Variants in RASEF observed in about 807,000 individuals in gnomAD.
The protein encoded by RASEF is ras and EF-hand domain-containing protein.
Under a neutral mutation model 90.1 loss-of-function variants are expected in RASEF, and 68 were observed. The observed-to-expected ratio is 0.75, with a 90% confidence interval of 0.62 to 0.92. The LOEUF is 0.92. Among genes scored for constraint, RASEF ranks in the 40% least tolerant of loss-of-function variants. The pLI is 0.00. For synonymous variants in RASEF, 331 were observed against 345.2 expected, an observed-to-expected ratio of 0.96 and a Z score of 0.46; for missense variants, 949 against 937.2, an observed-to-expected ratio of 1.01 and a Z score of -0.16.
the RASEF span, among the ~76,000 whole-genome samples, chr9:83,215,522 C>A: frequency 6.6e-6 from 1 of 152,230 alleles, no homozygotes; most frequent in Non-Finnish European, 1.5e-5. Context: ...AGGGGCAAGC[C>A]ACACTCCTGT....
chr9:83,203,978 T>C, the RASEF span, among the ~76,000 whole-genome samples: 1 of 152,210 alleles, frequency 6.6e-6, no homozygotes, highest in African/African-American at 2.4e-5. Flanking sequence ...AAACTCATTT[T>C]GATGGCAGTG....
the RASEF span, among the ~76,000 whole-genome samples, chr9:83,135,968 G>A: frequency 6.6e-6 from 1 of 151,826 alleles, no homozygotes; most frequent in Middle Eastern, 3.4e-3. Context: ...GGTTTCCCTG[G>A]GAGAACAACT....
At chr9:83,088,822 A>C in the RASEF span, among the ~76,000 whole-genome samples, 1 of 152,078 alleles carries the variant, frequency 6.6e-6, no homozygotes, top group East Asian at 1.9e-4. Flanking sequence ...TTGAATCACA[A>C]GTGAATCTCT....
At chr9:82,998,237 T>C in intron 13 of RASEF, 128 bp downstream of exon 13, 1 of 567,776 alleles carries the variant, frequency 1.8e-6, no homozygotes, top group Non-Finnish European at 3.2e-6. Flanking sequence ...TAATTATACA[T>C]GTAATTATGC....
chr9:83,000,017 AC>A (rs1828996351), intron 12 of RASEF, 151 bp downstream of exon 12: 2 of 651,122 alleles, frequency 3.1e-6, no homozygotes, highest in African/African-American at 3.7e-5. Flanking sequence ...ACACACACAC[AC>A]ACACACACAC....
At chr9:83,089,118 G>A in the RASEF span, among the ~76,000 whole-genome samples, 11 of 151,830 alleles carry the variant, frequency 7.2e-5, no homozygotes, top group East Asian at 7.7e-4. Context: ...ATGCCTGAGC[G>A]TTAAATAATC....
At chr9:83,070,958 G>A in the RASEF span, among the ~76,000 whole-genome samples, 1,075 of 152,202 alleles carry the variant, frequency 7.1e-3, 11 homozygotes, top group African/African-American at 0.024. Flanking sequence ...TTTTTATAAT[G>A]ATGAACTTGT....
At chr9:83,151,133 T>G in the RASEF span, among the ~76,000 whole-genome samples, 1 of 152,192 alleles carries the variant, frequency 6.6e-6, no homozygotes, top group Non-Finnish European at 1.5e-5. Flanking sequence ...AGTATTTTAC[T>G]GCTGAAATTG....
intron 1 of RASEF, among the ~76,000 whole-genome samples, chr9:83,027,860 C>T (rs1326221241): frequency 6.6e-6 from 1 of 151,946 alleles, no homozygotes; most frequent in Non-Finnish European, 1.5e-5. Context: ...TATTCCCCAG[C>T]GTATCCATGC....
chr9:83,203,274 CT>C, the RASEF span, among the ~76,000 whole-genome samples: 26,275 of 146,682 alleles, frequency 0.18, 2,398 homozygotes, highest in Admixed American at 0.24. Context: ...TATTTCAGTC[CT>C]TTTTTTTTTT....
the RASEF span, among the ~76,000 whole-genome samples, chr9:83,183,010 G>A: frequency 6.6e-6 from 1 of 152,082 alleles, no homozygotes; most frequent in African/African-American, 2.4e-5. Flanking sequence ...CTAAGACCGG[G>A]GTGAAGGGTG....
At chr9:83,208,880 G>A in the RASEF span, among the ~76,000 whole-genome samples, 1 of 152,162 alleles carries the variant, frequency 6.6e-6, no homozygotes, top group African/African-American at 2.4e-5. Flanking sequence ...TAGAGCATTT[G>A]AACTTTGGCA....
the RASEF span, among the ~76,000 whole-genome samples, chr9:83,131,398 C>G: frequency 1.3e-5 from 2 of 152,192 alleles, no homozygotes; most frequent in Admixed American, 1.3e-4. Context: ...GACTTGAGGA[C>G]AGTGTCACCC....
Position 82,990,485 on chromosome 9 carries a change from A to C in RASEF, c.2041-18T>G. 1.9e-6 allele frequency: 3 copies of C among 1,576,664 alleles called. No individual in the cohort carries two copies. Among genetic ancestry groups the C allele is most frequent in the Non-Finnish European group, 2.6e-6 (3 of 1,149,904 alleles). ...CCATACGTCTGTAAAAAAGAAATAC[A>C]CACAATTAAATGAAGCCCTTCATTG... is the stretch of plus-strand genomic sequence containing the variant. On this transcript the variant is annotated intron_variant, in intron 15 of 16. Coordinates refer to ENST00000376447, the MANE Select transcript of RASEF (RefSeq NM_152573.4).
At chr9:83,095,952 G>A in the RASEF span, among the ~76,000 whole-genome samples, 1 of 152,146 alleles carries the variant, frequency 6.6e-6, no homozygotes, top group Non-Finnish European at 1.5e-5. Flanking sequence ...GCTGGTGACA[G>A]CTCCATGCCA....
At chr9:83,207,218 A>G in the RASEF span, among the ~76,000 whole-genome samples, 1 of 152,162 alleles carries the variant, frequency 6.6e-6, no homozygotes, top group African/African-American at 2.4e-5. Context: ...CTGCTCCAAG[A>G]GAGGCTATCA....
intron 16 of RASEF, among the ~76,000 whole-genome samples, chr9:82,986,986 A>G (rs1269308081): frequency 6.6e-6 from 1 of 152,216 alleles, no homozygotes; most frequent in Non-Finnish European, 1.5e-5. Context: ...TGTTAACCAA[A>G]TATTTATGGC....
the RASEF span, among the ~76,000 whole-genome samples, chr9:83,132,311 A>G: frequency 2.6e-5 from 4 of 152,164 alleles, no homozygotes; most frequent in Non-Finnish European, 4.4e-5. Flanking sequence ...CTACATAGAG[A>G]AGCCACAAGG....
chr9:83,022,910 AC>A (rs1430031697), intron 2 of RASEF, among the ~76,000 whole-genome samples: 8 of 152,228 alleles, frequency 5.3e-5, no homozygotes, highest in African/African-American at 1.7e-4. Flanking sequence ...TTATGGGACC[AC>A]TGTCATTTAG....
Sources: gnomAD v4.1 joint callset for allele counts (sites outside exome capture counted in the v4.1 genomes callset) on GRCh38, gnomAD v4.1.1 for gene constraint, MANE v1.5 for transcripts, NCBI Gene and HGNC (gene_info 2026-07-23, HGNC 2026-07-21) for gene names.